The following OR3A2 variants were observed in gnomAD, a reference collection of about 807,000 sequenced individuals.
OR3A2 encodes the protein olfactory receptor family 3 subfamily A member 2.
For synonymous variants in OR3A2, 126 were observed against 159.3 expected (o/e 0.79, Z 1.57); for missense variants, 318 against 392.8 (o/e 0.81, Z 1.61).
intron 2 of OR3A2, among the ~76,000 whole-genome samples, chr17:3,348,219 T>C (rs1216620958): frequency 6.6e-6 from 1 of 152,176 alleles, no homozygotes; most frequent in Non-Finnish European, 1.5e-5. Context: ...GATGGTAGTT[T>C]CTTTTGCTGT....
intron 2 of OR3A2, among the ~76,000 whole-genome samples, chr17:3,342,001 T>C (rs922915229): frequency 6.6e-6 from 1 of 152,208 alleles, no homozygotes; most frequent in Non-Finnish European, 1.5e-5. Context: ...CTTCTTGCTT[T>C]ATTTCATTAA....
At chr17:3,302,507 G>C (rs1178727219) in intron 3 of OR3A2, among the ~76,000 whole-genome samples, 1 of 152,104 alleles carries the variant, frequency 6.6e-6, no homozygotes, top group African/African-American at 2.4e-5. Context: ...AATGGTGCTG[G>C]GAAAACTGGC....
intron 3 of OR3A2, among the ~76,000 whole-genome samples, chr17:3,295,754 C>T (rs962795336): frequency 6.6e-6 from 1 of 151,174 alleles, no homozygotes; most frequent in African/African-American, 2.4e-5. Flanking sequence ...CAGATGTAAA[C>T]GAAAATAAAG....
chr17:3,329,836 CT>C lies in OR3A2; in HGVS notation c.-85+6196del, dbSNP rs1300019283. ...CAATTTTGGATCTTTCCTGCTTTCTCTTGTGGGCATTTAGTGCTATAAATTT... is the reference window on the plus strand; with the variant it reads ...CAATTTTGGATCTTTCCTGCTTTCTCTGTGGGCATTTAGTGCTATAAATTT... On this transcript the variant is annotated intron_variant, in intron 3 of 4. Transcript: ENST00000573491. 2.6e-3 allele frequency among the ~76,000 whole-genome samples: 304 copies of C among 116,646 alleles called. 2 individuals are homozygous for C. The highest frequency in any genetic ancestry group is 4.3e-3 in the Admixed American group (48 of 11,130). The allele number at this position is 116,646 out of a possible 152,430, so 76.5% of individuals were successfully genotyped here.
intron 2 of OR3A2, among the ~76,000 whole-genome samples, chr17:3,368,066 C>G (rs2049579970): frequency 6.6e-6 from 1 of 152,102 alleles, no homozygotes; most frequent in East Asian, 1.9e-4. Flanking sequence ...ATGCCCTTAA[C>G]CCACTTTTTG....
intron 2 of OR3A2, among the ~76,000 whole-genome samples, chr17:3,367,852 T>C (rs556571744): frequency 1.4e-4 from 21 of 152,234 alleles, no homozygotes; most frequent in Admixed American, 3.9e-4. Context: ...TGTACCAGTT[T>C]ACACTCCCAC....
intron 3 of OR3A2, among the ~76,000 whole-genome samples, chr17:3,316,462 C>T (rs2049083372): frequency 1.3e-5 from 2 of 152,196 alleles, no homozygotes; most frequent in South Asian, 4.1e-4. Context: ...TCCATCCTAC[C>T]ATCTGTGTCC....
At position 3,370,779 on chromosome 17, in the gene OR3A2, C is replaced by T. The variant is rs548893704; in HGVS notation, c.-179+13025G>A. Among the ~76,000 whole-genome samples the T allele has an allele frequency of 3.8e-4, 58 of 151,402 alleles. 2 individuals are homozygous for T. Among genetic ancestry groups the T allele is most frequent in the South Asian group, 2.7e-3 (13 of 4,764 alleles). ...CTAGGCAGAGGACCCTGCGGCCTTC[C>T]GCAGTGTTTGTGTCCCTGGGTACTT... On this transcript the variant is annotated intron_variant, in intron 2 of 4. Coordinates refer to the OR3A2 transcript ENST00000573491.
At chr17:3,285,855 G>A (rs946265478), upstream of OR3A2, among the ~76,000 whole-genome samples, 3 of 152,124 alleles carry the variant, frequency 2.0e-5, no homozygotes, top group African/African-American at 7.2e-5. Context: ...TCATGTACAT[G>A]GTAACATGCT....
At chr17:3,280,877 A>T (rs2048772820) in intron 1 of OR3A2, among the ~76,000 whole-genome samples, 1 of 152,206 alleles carries the variant, frequency 6.6e-6, no homozygotes, top group Non-Finnish European at 1.5e-5. Context: ...TTGTTCATAA[A>T]AGTGGGAATT....
chr17:3,317,798 A>C (rs190573711), intron 3 of OR3A2, among the ~76,000 whole-genome samples: 1 of 152,286 alleles, frequency 6.6e-6, no homozygotes, highest in African/African-American at 2.4e-5. Context: ...AACAAAAGCC[A>C]GAGTAGGAAT....
intron 2 of OR3A2, among the ~76,000 whole-genome samples, chr17:3,381,331 TTTTA>T (rs1419226735): frequency 6.8e-6 from 1 of 147,906 alleles, no homozygotes; most frequent in Non-Finnish European, 1.5e-5. Flanking sequence ...TTTTTTTTTT[TTTTA>T]AATTCTAGAT....
In OR3A2 at chr17:3,370,462, G is replaced by C. The variant is rs141505594; in HGVS notation, c.-179+13342C>G. On this transcript the variant is annotated intron_variant, in intron 2 of 4. Transcript: ENST00000573491. ...AATGGTCTATCAATTTCTTTATCTT[G>C]TCAAAGAACCAGCTTTTTGTTTCAT... Among the ~76,000 whole-genome samples, 1,190 of 152,024 alleles carry C rather than the reference G, an allele frequency of 7.8e-3. 11 individuals are homozygous for C. The highest frequency in any genetic ancestry group is 0.025 in the South Asian group (118 of 4,816).
At chr17:3,290,049 T>G (rs1463293610) in intron 3 of OR3A2, among the ~76,000 whole-genome samples, 1 of 152,022 alleles carries the variant, frequency 6.6e-6, no homozygotes, top group Admixed American at 6.6e-5. Flanking sequence ...TAAACCTTCT[T>G]CCTGACATCC....
At chr17:3,365,495 AT>A (rs1266451181) in intron 2 of OR3A2, among the ~76,000 whole-genome samples, 5 of 152,190 alleles carry the variant, frequency 3.3e-5, no homozygotes, top group Non-Finnish European at 7.4e-5. Context: ...AATGGAGGCT[AT>A]GCTGAGGTAA....
intron 2 of OR3A2, among the ~76,000 whole-genome samples, chr17:3,349,678 A>C (rs558440503): frequency 5.3e-5 from 8 of 151,396 alleles, no homozygotes; most frequent in African/African-American, 1.7e-4. Context: ...TGCACCAAGC[A>C]GACCTAATAG....
intron 3 of OR3A2, among the ~76,000 whole-genome samples, chr17:3,307,187 AG>A (rs1293291674): frequency 6.6e-6 from 1 of 152,220 alleles, no homozygotes; most frequent in Non-Finnish European, 1.5e-5. Flanking sequence ...AGGGACTCAT[AG>A]GCAGTTTCTG....
At chr17:3,357,421 T>C (rs974074354) in intron 2 of OR3A2, among the ~76,000 whole-genome samples, 1 of 151,652 alleles carries the variant, frequency 6.6e-6, no homozygotes, top group Non-Finnish European at 1.5e-5. Context: ...AGATGAAATA[T>C]TAAGAACATC....
intron 3 of OR3A2, among the ~76,000 whole-genome samples, chr17:3,298,922 G>A (rs1201983817): frequency 1.3e-5 from 2 of 152,162 alleles, no homozygotes; most frequent in African/African-American, 4.8e-5. Context: ...AGGAAGGTTC[G>A]GAGGTTTAGG....
Sources: gnomAD v4.1 joint callset for allele counts (sites outside exome capture counted in the v4.1 genomes callset) on GRCh38, gnomAD v4.1.1 for gene constraint, MANE v1.5 for transcripts, NCBI Gene and HGNC (gene_info 2026-07-23, HGNC 2026-07-21) for gene names.